SLC24A3: variants seen among roughly 807,000 people sequenced by gnomAD.
The protein encoded by SLC24A3 is solute carrier family 24 member 3, also known as sodium/potassium/calcium exchanger 3.
In SLC24A3, 28 loss-of-function variants were observed where a neutral mutation model predicts 75.8. The ratio of observed to expected loss-of-function variants is 0.37; its 90% confidence interval spans 0.27 to 0.51. SLC24A3 has a LOEUF of 0.51. SLC24A3 is among the 20% of genes least tolerant of loss of function. The probability of loss-of-function intolerance (pLI) is 0.94; values close to 1 mark genes in which losing one functional copy is unlikely to be tolerated. For synonymous variants in SLC24A3, 372 were observed against 334.1 expected, an observed-to-expected ratio of 1.11 and a Z score of -1.24; for missense variants, 663 against 847.8, an observed-to-expected ratio of 0.78 and a Z score of 2.71.
At chr20:19,647,508 TG>T (rs1227649749) in intron 6 of SLC24A3, among the ~76,000 whole-genome samples, 1 of 152,006 alleles carries the variant, frequency 6.6e-6, no homozygotes, top group Non-Finnish European at 1.5e-5. Flanking sequence ...GTACCCAGAG[TG>T]GGCGAAGGGA....
chr20:19,537,018 T>A (rs2030411246), intron 3 of SLC24A3, among the ~76,000 whole-genome samples: 1 of 151,996 alleles, frequency 6.6e-6, no homozygotes, highest in Admixed American at 6.6e-5. Context: ...AAGCCAAAAT[T>A]GACAAATGGG....
intron 2 of SLC24A3, among the ~76,000 whole-genome samples, chr20:19,510,201 A>C (rs1988516437): frequency 6.6e-6 from 1 of 152,230 alleles, no homozygotes; most frequent in South Asian, 2.1e-4. Flanking sequence ...TGCCCTTTGC[A>C]AATGAATCAA....
chr20:19,469,180 C>G (rs945677196), intron 2 of SLC24A3, among the ~76,000 whole-genome samples: 5 of 152,016 alleles, frequency 3.3e-5, no homozygotes, highest in Non-Finnish European at 7.4e-5. Context: ...GAGCAGAGAC[C>G]AAGCCTGGGG....
At chr20:19,586,425 G>C (rs778095603) in intron 6 of SLC24A3, among the ~76,000 whole-genome samples, 6 of 152,160 alleles carry the variant, frequency 3.9e-5, no homozygotes, top group Non-Finnish European at 8.8e-5. Context: ...GGAACCTGCT[G>C]ATCCTAACCA....
intron 2 of SLC24A3, among the ~76,000 whole-genome samples, chr20:19,434,021 G>A (rs1228982050): frequency 6.6e-6 from 1 of 152,168 alleles, no homozygotes; most frequent in African/African-American, 2.4e-5. Context: ...CTATCTCTAG[G>A]AGCTGGTTAA....
At chr20:19,711,534 GCATGCAAA>G (rs137933210) in intron 15 of SLC24A3, among the ~76,000 whole-genome samples, 9,154 of 149,420 alleles carry the variant, frequency 0.061, 324 homozygotes, top group Non-Finnish European at 0.076. Flanking sequence ...ACACACACAT[GCATGCAAA>G]CATGCAAACA....
intron 3 of SLC24A3, among the ~76,000 whole-genome samples, chr20:19,553,071 C>T (rs866108270): frequency 8.8e-6 from 1 of 113,090 alleles, no homozygotes. Context: ...CCTTCCTTCC[C>T]TCCCTCCCTC....
chr20:19,391,114 G>A (rs1986357451), intron 2 of SLC24A3, among the ~76,000 whole-genome samples: 1 of 152,214 alleles, frequency 6.6e-6, no homozygotes, highest in Non-Finnish European at 1.5e-5. Context: ...CACTGCTCAC[G>A]TGGCATTTAA....
chr20:19,408,339 T>A (rs4813355), intron 2 of SLC24A3, among the ~76,000 whole-genome samples: 79,868 of 151,664 alleles, frequency 0.53, 21,296 homozygotes, highest in Middle Eastern at 0.61. Flanking sequence ...TTAACCCGTA[T>A]AATAATTTTC....
At chr20:19,234,100 A>C (rs1217799125) in intron 1 of SLC24A3, among the ~76,000 whole-genome samples, 1 of 152,198 alleles carries the variant, frequency 6.6e-6, no homozygotes, top group Non-Finnish European at 1.5e-5. Context: ...TTTTGGTTTC[A>C]CAGAGCCATT....
At chr20:19,276,830 C>T (rs1326990636) in intron 1 of SLC24A3, among the ~76,000 whole-genome samples, 2 of 151,732 alleles carry the variant, frequency 1.3e-5, no homozygotes, top group African/African-American at 2.4e-5. Context: ...ATGTGAGCCT[C>T]GGAGTTTGAG....
At chr20:19,348,420 CAG>C (rs1215067352) in intron 2 of SLC24A3, among the ~76,000 whole-genome samples, 1 of 152,194 alleles carries the variant, frequency 6.6e-6, no homozygotes, top group Non-Finnish European at 1.5e-5. Flanking sequence ...GTTGCTGAAT[CAG>C]ACAGTCCACG....
chr20:19,227,185 G>A (rs183591192), intron 1 of SLC24A3, among the ~76,000 whole-genome samples: 9 of 152,136 alleles, frequency 5.9e-5, no homozygotes, highest in Middle Eastern at 3.2e-3. Flanking sequence ...ATGGTGTCCC[G>A]TTGGTTTAGT....
chr20:19,699,452 A>G (rs568333870), intron 15 of SLC24A3, among the ~76,000 whole-genome samples: 117 of 152,382 alleles, frequency 7.7e-4, no homozygotes, highest in African/African-American at 2.6e-3. Context: ...TGTCTAGGAT[A>G]GAATGTCAAC....
chr20:19,277,953 A>C (rs1228459801), intron 1 of SLC24A3, among the ~76,000 whole-genome samples: 3 of 152,222 alleles, frequency 2.0e-5, no homozygotes, highest in Middle Eastern at 3.2e-3. Flanking sequence ...AGAACAGTGG[A>C]ATGGCCACGC....
chr20:19,432,497 C>A lies in SLC24A3; in HGVS notation c.272-82991C>A, dbSNP rs374453245. On this transcript the variant is annotated intron_variant, in intron 2 of 16. Transcript: ENST00000328041. Reference sequence around the variant, plus strand: ...ATAATTCACCTAAAGGCAGATGACCCCATGGAGAATTCCAAGCTGACGTCT... The same window carrying A: ...ATAATTCACCTAAAGGCAGATGACCACATGGAGAATTCCAAGCTGACGTCT... Among the ~76,000 whole-genome samples the A allele has an allele frequency of 1.6e-4, 24 of 152,088 alleles. 1 individual carries two copies. The South Asian group carries it at 5.0e-3, about 32-fold the overall frequency.
rs556155351 is a variant in SLC24A3 at position 19,550,975 on chromosome 20, C to T, written c.349-29025C>T. On this transcript the variant is annotated intron_variant, in intron 3 of 16. Coordinates refer to ENST00000328041, the MANE Select transcript of SLC24A3 (RefSeq NM_020689.4). ...GGAAAGAGGATGAGAACGTAAGGCA[C>T]GGGCCACATGGACTCTGCATCTTTA... 1.8e-3 allele frequency among the ~76,000 whole-genome samples: 271 copies of T among 152,306 alleles called. 1 individual carries two copies. The highest frequency in any genetic ancestry group is 3.1e-3 in the Non-Finnish European group (211 of 68,032).
At chr20:19,256,904 T>C (rs989354865) in intron 1 of SLC24A3, among the ~76,000 whole-genome samples, 25 of 152,180 alleles carry the variant, frequency 1.6e-4, no homozygotes, top group African/African-American at 5.3e-4. Context: ...GAATATATTA[T>C]TGAAATTAAT....
chr20:19,454,458 T>C (rs558503937), intron 2 of SLC24A3, among the ~76,000 whole-genome samples: 5 of 152,336 alleles, frequency 3.3e-5, no homozygotes, highest in African/African-American at 1.2e-4. Flanking sequence ...GGCCAGACTG[T>C]GCTATGGATG....
Sources: gnomAD v4.1 joint callset for allele counts (sites outside exome capture counted in the v4.1 genomes callset) on GRCh38, gnomAD v4.1.1 for gene constraint, MANE v1.5 for transcripts, NCBI Gene and HGNC (gene_info 2026-07-23, HGNC 2026-07-21) for gene names.